Variants in PACRG observed in about 807,000 individuals in gnomAD.
The protein encoded by PACRG is parkin coregulated.
Under a neutral mutation model 29.7 loss-of-function variants are expected in PACRG, and 29 were observed. That is an observed-to-expected ratio of 0.98 (90% CI 0.73 to 1.33). The LOEUF (loss-of-function observed/expected upper bound fraction) is 1.33. PACRG is among the 40% of genes most tolerant of loss of function. The probability of loss-of-function intolerance (pLI) is 0.00; values close to 1 mark genes in which losing one functional copy is unlikely to be tolerated. For missense variants in PACRG, 279 were observed against 316.2 expected, an observed-to-expected ratio of 0.88 and a Z score of 0.89; for synonymous variants, 116 against 118.7, an observed-to-expected ratio of 0.98 and a Z score of 0.15.
chr6:162,947,358 TA>T (rs371786761), intron 2 of PACRG, among the ~76,000 whole-genome samples: 38,732 of 55,926 alleles, frequency 0.69, 13,224 homozygotes, highest in Middle Eastern at 0.81. Context: ...TACATATATA[TA>T]ATGTAATCAT....
At chr6:163,205,191 T>G (rs1780852673) in intron 4 of PACRG, among the ~76,000 whole-genome samples, 1 of 152,236 alleles carries the variant, frequency 6.6e-6, no homozygotes, top group South Asian at 2.1e-4. Flanking sequence ...ACCAATGACA[T>G]TCTTCATAGA....
At chr6:162,865,047 A>T (rs546755683) in intron 2 of PACRG, among the ~76,000 whole-genome samples, 28 of 152,318 alleles carry the variant, frequency 1.8e-4, no homozygotes, top group Admixed American at 4.6e-4. Flanking sequence ...TGAATCTTTC[A>T]CCAATTACTA....
intron 2 of PACRG, among the ~76,000 whole-genome samples, chr6:162,964,395 C>A (rs1453572959): frequency 6.6e-6 from 1 of 152,064 alleles, no homozygotes; most frequent in Non-Finnish European, 1.5e-5. Flanking sequence ...TTAATGAAAT[C>A]ATAAAGGCCT....
chr6:162,916,507 G>T (rs1796705161), intron 2 of PACRG, among the ~76,000 whole-genome samples: 1 of 152,010 alleles, frequency 6.6e-6, no homozygotes, highest in Admixed American at 6.6e-5. Flanking sequence ...GGAACCTAAA[G>T]CTCACATTTC....
chr6:163,141,704 G>A (rs986789233), intron 4 of PACRG, among the ~76,000 whole-genome samples: 2 of 152,012 alleles, frequency 1.3e-5, no homozygotes, highest in African/African-American at 2.4e-5. Context: ...GAGGGGCATC[G>A]TAGGATAAGA....
At chr6:163,200,453 AC>A in intron 4 of PACRG, among the ~76,000 whole-genome samples, 1 of 152,244 alleles carries the variant, frequency 6.6e-6, no homozygotes, top group East Asian at 1.9e-4. Flanking sequence ...AGGCAACAGT[AC>A]TAACCTTGGA....
chr6:163,245,640 C>T (rs1036940662), intron 4 of PACRG, among the ~76,000 whole-genome samples: 14 of 152,090 alleles, frequency 9.2e-5, no homozygotes, highest in South Asian at 2.1e-4. Context: ...TTTTCAACAC[C>T]GTCTCTGCAC....
At chr6:163,154,105 T>G (rs142878348) in intron 4 of PACRG, among the ~76,000 whole-genome samples, 1 of 152,218 alleles carries the variant, frequency 6.6e-6, no homozygotes, top group South Asian at 2.1e-4. Context: ...GTCTCAGAAC[T>G]GGGATCCTTC....
intron 1 of PACRG, among the ~76,000 whole-genome samples, chr6:162,760,527 T>C (rs1345117170): frequency 6.6e-6 from 1 of 152,046 alleles, no homozygotes; most frequent in East Asian, 1.9e-4. Flanking sequence ...CCAAGAGACT[T>C]GTGAGCCAAA....
intron 2 of PACRG, among the ~76,000 whole-genome samples, chr6:163,029,863 A>G (rs893384591): frequency 1.3e-5 from 2 of 152,184 alleles, no homozygotes; most frequent in East Asian, 3.9e-4. Context: ...GCTGCTGAAC[A>G]AGCTGATTAA....
chr6:163,278,001 AT>A (rs1042289154), intron 4 of PACRG, among the ~76,000 whole-genome samples: 7 of 151,850 alleles, frequency 4.6e-5, no homozygotes, highest in Non-Finnish European at 7.4e-5. Flanking sequence ...AGCATCTATT[AT>A]TTTTTTATTT....
chr6:163,115,283 G>A (rs1029295877), intron 4 of PACRG, among the ~76,000 whole-genome samples: 6 of 152,020 alleles, frequency 3.9e-5, no homozygotes, highest in Admixed American at 2.0e-4. Context: ...GGGATGACTC[G>A]CTTTATCTGG....
chr6:163,151,041 A>G (rs368036430), intron 4 of PACRG, among the ~76,000 whole-genome samples: 1 of 152,216 alleles, frequency 6.6e-6, no homozygotes, highest in Non-Finnish European at 1.5e-5. Flanking sequence ...CCATAAGTAA[A>G]CAATGGATGG....
intron 4 of PACRG, among the ~76,000 whole-genome samples, chr6:163,230,300 G>A (rs566562940): frequency 6.6e-6 from 1 of 152,276 alleles, no homozygotes; most frequent in African/African-American, 2.4e-5. Flanking sequence ...ATGCCCCTTA[G>A]AATACCAGTT....
intron 4 of PACRG, among the ~76,000 whole-genome samples, chr6:163,212,247 T>C (rs1007257500): frequency 1.3e-5 from 2 of 152,156 alleles, no homozygotes; most frequent in Admixed American, 6.5e-5. Flanking sequence ...TCATTATAGA[T>C]AAAGGTAGCT....
chr6:163,144,782 A>AT (rs1562937979), intron 4 of PACRG, among the ~76,000 whole-genome samples: 3 of 152,292 alleles, frequency 2.0e-5, no homozygotes, highest in African/African-American at 7.2e-5. Context: ...AGAAAAAAAA[A>AT]GTAAGCACAG....
chr6:163,222,167 C>A (rs563677743), intron 4 of PACRG, among the ~76,000 whole-genome samples: 1 of 152,098 alleles, frequency 6.6e-6, no homozygotes, highest in East Asian at 1.9e-4. Flanking sequence ...GAAAATTAAC[C>A]CACTATAAAA....
chr6:163,101,048 A>G (rs1815057287), intron 4 of PACRG: 1 of 982,374 alleles, frequency 1.0e-6, no homozygotes, highest in Non-Finnish European at 1.2e-6. Context: ...TTTAGTGAGC[A>G]TATTTATATT....
chr6:162,867,227 C>T (rs770334429), intron 2 of PACRG, among the ~76,000 whole-genome samples: 2 of 152,102 alleles, frequency 1.3e-5, no homozygotes, highest in Non-Finnish European at 2.9e-5. Context: ...CAGCTTGATC[C>T]CTCCTCTCAC....
Sources: allele counts gnomAD v4.1 joint callset (sites outside exome capture counted in the v4.1 genomes callset), GRCh38; gene constraint gnomAD v4.1.1; transcripts MANE v1.5; gene names NCBI Gene and HGNC (gene_info 2026-07-23, HGNC 2026-07-21).